Variants in CSMD2 observed in about 807,000 individuals in gnomAD.
CSMD2 encodes CUB and sushi domain-containing protein 2.
A neutral mutation model predicts 398.5 loss-of-function variants in CSMD2; 130 were observed. The observed-to-expected ratio is 0.33, with a 90% confidence interval of 0.28 to 0.38. The LOEUF (loss-of-function observed/expected upper bound fraction) is 0.38, where lower values mean the gene tolerates loss of function less well. Among genes scored for constraint, CSMD2 ranks in the 10% least tolerant of loss-of-function variants. The pLI is 1.00. For missense variants in CSMD2, 3,829 were observed against 4,764.9 expected (o/e 0.80, Z 5.78); for synonymous variants, 1,828 against 1,908.5 (o/e 0.96, Z 1.10).
intron 32 of CSMD2, among the ~76,000 whole-genome samples, chr1:33,630,128 C>A (rs934512660): frequency 4.6e-5 from 7 of 151,792 alleles, no homozygotes; most frequent in Admixed American, 1.3e-4. Flanking sequence ...TTCTATTGGT[C>A]CTATACACCT....
At chr1:33,669,640 T>C (rs1302301216) in intron 25 of CSMD2, among the ~76,000 whole-genome samples, 1 of 152,226 alleles carries the variant, frequency 6.6e-6, no homozygotes, top group Non-Finnish European at 1.5e-5. Flanking sequence ...CGGGTTGACT[T>C]GTGTCCCCCA....
At chr1:33,924,263 C>G (rs902910617) in intron 4 of CSMD2, among the ~76,000 whole-genome samples, 4 of 151,890 alleles carry the variant, frequency 2.6e-5, no homozygotes, top group African/African-American at 9.7e-5. Flanking sequence ...TGGACTTGAA[C>G]TCCTGGGCTC....
intron 2 of CSMD2, among the ~76,000 whole-genome samples, chr1:34,070,943 G>C (rs376869253): frequency 6.6e-6 from 1 of 152,174 alleles, no homozygotes; most frequent in African/African-American, 2.4e-5. Flanking sequence ...TTGGAGGAGG[G>C]AGAAGTTGTA....
chr1:33,931,661 T>C (rs1455896870), intron 4 of CSMD2, among the ~76,000 whole-genome samples: 1 of 152,170 alleles, frequency 6.6e-6, no homozygotes, highest in Non-Finnish European at 1.5e-5. Flanking sequence ...GAAGGGAGCA[T>C]TCTCTGGTGT....
intron 5 of CSMD2, among the ~76,000 whole-genome samples, chr1:33,901,514 G>A (rs1225541880): frequency 2.0e-5 from 3 of 152,200 alleles, no homozygotes; most frequent in Admixed American, 6.5e-5. Context: ...CCAGTGCGTC[G>A]TAGGAGCCTG....
chr1:33,547,566 G>C (rs1454839606), intron 56 of CSMD2, among the ~76,000 whole-genome samples: 2 of 152,052 alleles, frequency 1.3e-5, no homozygotes, highest in Non-Finnish European at 2.9e-5. Context: ...CTCAACCTTG[G>C]GATTATTCCC....
At chr1:33,581,353 C>CT (rs1553146954) in intron 47 of CSMD2, among the ~76,000 whole-genome samples, 1,127 of 49,766 alleles carry the variant, frequency 0.023, 112 homozygotes, top group African/African-American at 0.074. Context: ...CCCATCTTTA[C>CT]TAAAAAAAAA....
intron 29 of CSMD2, among the ~76,000 whole-genome samples, chr1:33,645,029 G>A (rs952253183): frequency 3.9e-5 from 6 of 152,096 alleles, no homozygotes; most frequent in African/African-American, 1.4e-4. Context: ...TGGATATAGA[G>A]CACTTAGGCT....
chr1:33,544,416 C>T (rs1172568342), intron 57 of CSMD2, among the ~76,000 whole-genome samples: 11 of 152,036 alleles, frequency 7.2e-5, no homozygotes, highest in Non-Finnish European at 1.0e-4. Context: ...CGCGCCCGGC[C>T]TCCATATTTG....
intron 4 of CSMD2, among the ~76,000 whole-genome samples, chr1:33,918,630 A>G (rs1465694693): frequency 1.3e-5 from 2 of 152,242 alleles, no homozygotes; most frequent in African/African-American, 4.8e-5. Flanking sequence ...AAACAGCTCT[A>G]GATGACTCAT....
At chr1:33,580,669 G>A in intron 48 of CSMD2, 84 bp downstream of exon 48, 1 of 1,492,470 alleles carries the variant, frequency 6.7e-7, no homozygotes. Context: ...ATTTAGGAGG[G>A]GAATGGCCGC....
chr1:33,534,056 C>T, intron 62 of CSMD2, 149 bp from the exon 63 acceptor site: 3 of 600,502 alleles, frequency 5.0e-6, no homozygotes, highest in Non-Finnish European at 8.9e-6. Flanking sequence ...AAATTTTCTT[C>T]TTCCTTTGAG....
chr1:33,980,457 G>A (rs1274973403), intron 3 of CSMD2, among the ~76,000 whole-genome samples: 1 of 152,194 alleles, frequency 6.6e-6, no homozygotes, highest in Non-Finnish European at 1.5e-5. Flanking sequence ...ACTCCCTGGA[G>A]AGACAAAGAA....
chr1:33,624,701 A>C lies in CSMD2; in HGVS notation c.5501-58T>G. On this transcript the variant is annotated intron_variant, in intron 34 of 70. Transcript: ENST00000373381. This position sits in a 1 kb window ranked among gnomAD's most constrained non-coding sequence, Gnocchi z 4.7. ...GTGGCCTCCCGTGGGAGCCTTCCCAAGCTGACTCCTCCCTCATGGCCCCCA... is the reference window on the plus strand; with the variant it reads ...GTGGCCTCCCGTGGGAGCCTTCCCACGCTGACTCCTCCCTCATGGCCCCCA... 1 of 1,578,258 alleles carries C rather than the reference A, an allele frequency of 6.3e-7. No individual in the cohort carries two copies. Among genetic ancestry groups the C allele is most frequent in the Non-Finnish European group, 8.6e-7 (1 of 1,157,362 alleles).
chr1:33,900,750 A>T (rs1224450360), intron 5 of CSMD2, among the ~76,000 whole-genome samples: 1 of 151,960 alleles, frequency 6.6e-6, no homozygotes, highest in Non-Finnish European at 1.5e-5. Context: ...ATTGCACTCC[A>T]GCCTGGGCAA....
At chr1:33,661,374 T>A (rs576626760) in intron 26 of CSMD2, among the ~76,000 whole-genome samples, 2 of 152,280 alleles carry the variant, frequency 1.3e-5, no homozygotes, top group South Asian at 4.1e-4. Context: ...CCCAAGTTTG[T>A]TCCACGAAAT....
intron 19 of CSMD2, among the ~76,000 whole-genome samples, chr1:33,717,190 T>A (rs1646201255): frequency 6.6e-6 from 1 of 152,022 alleles, no homozygotes; most frequent in Non-Finnish European, 1.5e-5. Flanking sequence ...TGAAGCTGGA[T>A]AGGTAGACGG....
intron 24 of CSMD2, 31 bp downstream of exon 24, chr1:33,698,722 A>G (rs1454715310): frequency 4.4e-6 from 7 of 1,590,946 alleles, no homozygotes; most frequent in African/African-American, 2.7e-5. Context: ...GGGAGACCCA[A>G]GGGTTCCCTG....
chr1:33,657,067 C>T (rs1307234005), intron 27 of CSMD2, among the ~76,000 whole-genome samples: 1 of 152,166 alleles, frequency 6.6e-6, no homozygotes, highest in Non-Finnish European at 1.5e-5. Context: ...TCCTCTCAGT[C>T]TCAAGTAGTT....
Sources: gnomAD v4.1 joint callset for allele counts (sites outside exome capture counted in the v4.1 genomes callset) on GRCh38, gnomAD v4.1.1 for gene constraint, Gnocchi (gnomAD v3.1) non-coding constraint, MANE v1.5 for transcripts, NCBI Gene and HGNC (gene_info 2026-07-23, HGNC 2026-07-21) for gene names.